The following STK33 variants were observed in gnomAD, a reference collection of about 807,000 sequenced individuals.
STK33 encodes the protein serine/threonine kinase 33, also known as serine/threonine-protein kinase 33.
In STK33, 52 loss-of-function variants were observed where a neutral mutation model predicts 58.0. The ratio of observed to expected loss-of-function variants is 0.90; its 90% CI spans 0.72 to 1.13. The LOEUF is 1.13. Ranked by LOEUF, STK33 falls within the 50% of genes most tolerant of loss-of-function variation. STK33 has a pLI of 0.00. For synonymous variants in STK33, 215 were observed against 200.1 expected (o/e 1.07, Z -0.63); for missense variants, 630 against 604.2 (o/e 1.04, Z -0.45).
intron 1 of STK33, among the ~76,000 whole-genome samples, chr11:8,513,535 T>G (rs979987818): frequency 6.6e-6 from 1 of 152,190 alleles, no homozygotes; most frequent in Admixed American, 6.5e-5. Flanking sequence ...AATCATGCTA[T>G]CCACCTCTAC....
chr11:8,420,171 T>G (rs1941710745), intron 14 of STK33, among the ~76,000 whole-genome samples: 1 of 152,086 alleles, frequency 6.6e-6, no homozygotes, highest in African/African-American at 2.4e-5. Flanking sequence ...AGAAAAGACA[T>G]GATGTAAGTT....
At chr11:8,519,202 C>T (rs182418209) in intron 1 of STK33, among the ~76,000 whole-genome samples, 1,812 of 152,244 alleles carry the variant, frequency 0.012, 36 homozygotes, top group African/African-American at 0.041. Context: ...CAAAACCGCT[C>T]AACTACATGG....
Position 8,523,918 on chromosome 11 carries a change from T to C in STK33, c.-465-43304A>G, listed in dbSNP as rs190978716. Among the ~76,000 whole-genome samples, 1,003 of 152,356 alleles carry C rather than the reference T, an allele frequency of 6.6e-3. 11 individuals carry two copies. Among genetic ancestry groups the C allele is most frequent in the African/African-American group, 0.022 (909 of 41,578 alleles). ...AAAAAGAAAGAGATCGGATTGTTAC[T>C]GTGTCTGTGTGGAAAGAAGCAGACA... On this transcript the variant is annotated intron_variant, in intron 1 of 15. Coordinates refer to ENST00000687296, the MANE Select transcript of STK33 (RefSeq NM_001352389.2).
At chr11:8,425,368 A>G (rs1027634627) in intron 14 of STK33, among the ~76,000 whole-genome samples, 3 of 152,140 alleles carry the variant, frequency 2.0e-5, no homozygotes, top group African/African-American at 7.2e-5. Flanking sequence ...TACCAGTACC[A>G]TGCTGTTTTG....
rs1238069344 is a variant in STK33 at position 8,456,855 on chromosome 11, G to A, written c.697+486C>T. Among the ~76,000 whole-genome samples, 9 of 152,170 alleles carry A rather than the reference G, an allele frequency of 5.9e-5. 1 individual carries two copies. The East Asian group carries it at 1.7e-3, about 29-fold the overall frequency. Reference sequence around the variant, plus strand: ...TATGGACTTAGGGTGACAATGATATGTCAATGCAATATATCAATCTAGTGG... The same window carrying A: ...TATGGACTTAGGGTGACAATGATATATCAATGCAATATATCAATCTAGTGG... On this transcript the variant is annotated intron_variant, in intron 9 of 15. Coordinates refer to ENST00000687296, the MANE Select transcript of STK33 (RefSeq NM_001352389.2).
intron 1 of STK33, among the ~76,000 whole-genome samples, chr11:8,592,956 T>C (rs1446863615): frequency 6.6e-6 from 1 of 152,198 alleles, no homozygotes; most frequent in Non-Finnish European, 1.5e-5. Context: ...CAGATCATGG[T>C]AGATTGGTCT....
At chr11:8,481,584 G>A (rs1030526502) in intron 1 of STK33, among the ~76,000 whole-genome samples, 2 of 152,132 alleles carry the variant, frequency 1.3e-5, no homozygotes, top group Admixed American at 6.5e-5. Flanking sequence ...GAGTCTCCAA[G>A]GCCAAAAACT....
chr11:8,463,585 AT>A (rs1213208358), intron 7 of STK33, among the ~76,000 whole-genome samples: 1 of 152,180 alleles, frequency 6.6e-6, no homozygotes, highest in Non-Finnish European at 1.5e-5. Context: ...TAGACTAGAT[AT>A]GGAAAGTTAC....
At chr11:8,533,693 A>G (rs992399005) in intron 1 of STK33, among the ~76,000 whole-genome samples, 1 of 152,244 alleles carries the variant, frequency 6.6e-6, no homozygotes, top group African/African-American at 2.4e-5. Context: ...AAACATTCCT[A>G]CAGAGCTGTG....
intron 1 of STK33, among the ~76,000 whole-genome samples, chr11:8,522,262 T>C (rs1015943121): frequency 6.6e-6 from 1 of 152,192 alleles, no homozygotes; most frequent in Non-Finnish European, 1.5e-5. Flanking sequence ...TAAGAAAATG[T>C]GGCACATATA....
chr11:8,447,058 C>A (rs184650020), intron 11 of STK33, among the ~76,000 whole-genome samples: 3 of 152,136 alleles, frequency 2.0e-5, no homozygotes, highest in African/African-American at 7.2e-5. Context: ...AAAGTTTTTG[C>A]AATCTTTCCA....
chr11:8,544,145 T>C (rs1236227794), intron 1 of STK33, among the ~76,000 whole-genome samples: 1 of 151,870 alleles, frequency 6.6e-6, no homozygotes, highest in African/African-American at 2.4e-5. Flanking sequence ...TTTCTCCTAA[T>C]GCTATCCCTC....
intron 1 of STK33, among the ~76,000 whole-genome samples, chr11:8,553,294 A>T (rs1355343812): frequency 6.8e-6 from 1 of 146,224 alleles, no homozygotes; most frequent in African/African-American, 2.5e-5. Context: ...AACCAGTAAC[A>T]TAATTGCTTA....
chr11:8,552,311 T>C (rs1447683413), intron 1 of STK33, among the ~76,000 whole-genome samples: 3 of 152,186 alleles, frequency 2.0e-5, no homozygotes, highest in Non-Finnish European at 4.4e-5. Context: ...TTCTGGTATA[T>C]TCAGGGTGGT....
intron 6 of STK33, 62 bp from the exon 7 acceptor site, chr11:8,464,884 A>C: frequency 9.4e-7 from 1 of 1,066,970 alleles, no homozygotes; most frequent in Non-Finnish European, 1.4e-6. Flanking sequence ...AAAAATGAAC[A>C]TATAATACTG....
intron 1 of STK33, among the ~76,000 whole-genome samples, chr11:8,490,566 G>A (rs1396713588): frequency 6.6e-6 from 1 of 152,166 alleles, no homozygotes; most frequent in African/African-American, 2.4e-5. Flanking sequence ...AGAGAGCAGT[G>A]GTTCTCCCAG....
chr11:8,360,056 G>A, the STK33 span, among the ~76,000 whole-genome samples: 1 of 152,238 alleles, frequency 6.6e-6, no homozygotes, highest in African/African-American at 2.4e-5. Flanking sequence ...TGCACAAGAG[G>A]ACTGCTCTAG....
intron 14 of STK33, among the ~76,000 whole-genome samples, chr11:8,424,323 A>C (rs1942400353): frequency 1.3e-5 from 2 of 148,176 alleles, no homozygotes; most frequent in East Asian, 2.0e-4. Context: ...TGAACTCATC[A>C]TTTTTTATGG....
At chr11:8,475,759 A>C (rs993103973) in intron 4 of STK33, 3 of 152,156 alleles carry the variant, frequency 2.0e-5, no homozygotes, top group Non-Finnish European at 2.9e-5. Context: ...GGAGGAAGAA[A>C]AATACACTCT....
Sources: gnomAD v4.1 joint callset for allele counts (sites outside exome capture counted in the v4.1 genomes callset) on GRCh38, gnomAD v4.1.1 for gene constraint, MANE v1.5 for transcripts, NCBI Gene and HGNC (gene_info 2026-07-23, HGNC 2026-07-21) for gene names.